PHACTR2: variants seen among roughly 807,000 people sequenced by gnomAD.
PHACTR2 encodes phosphatase and actin regulator 2.
A neutral mutation model predicts 76.0 loss-of-function variants in PHACTR2; 30 were observed. The ratio of observed to expected loss-of-function variants is 0.39; its 90% CI spans 0.30 to 0.54. The LOEUF (loss-of-function observed/expected upper bound fraction) is 0.54, where lower values mean the gene tolerates loss of function less well. Ranked by LOEUF, PHACTR2 falls within the 20% of genes least tolerant of loss-of-function variation. The probability of loss-of-function intolerance (pLI) is 0.61; values close to 1 mark genes in which losing one functional copy is unlikely to be tolerated. For synonymous variants in PHACTR2, 292 were observed against 292.5 expected (o/e 1.00, Z 0.02); for missense variants, 696 against 781.1 (o/e 0.89, Z 1.30).
Position 143,794,420 on chromosome 6 carries a change from A to G in PHACTR2, c.1845+5510A>G, listed in dbSNP as rs1413125325. 6.6e-6 allele frequency among the ~76,000 whole-genome samples: 1 copy of G among 152,078 alleles called. No individual in the cohort carries two copies. Among genetic ancestry groups the G allele is most frequent in the Non-Finnish European group, 1.5e-5 (1 of 68,008 alleles). On this transcript the variant is annotated intron_variant, in intron 11 of 12. Coordinates refer to ENST00000440869, the MANE Select transcript of PHACTR2 (RefSeq NM_001100164.2). The surrounding 1 kb of genome is among the most constrained non-coding windows in gnomAD (Gnocchi z 4.1). ...AATTTAGCTATTAGGTTTAAAAATGAGTTTTATTTTTAACTTTTGAGCTCT... is the reference window on the plus strand; with the variant it reads ...AATTTAGCTATTAGGTTTAAAAATGGGTTTTATTTTTAACTTTTGAGCTCT...
chr6:143,799,086 A>G (rs1429622969), intron 11 of PHACTR2, among the ~76,000 whole-genome samples: 1 of 152,142 alleles, frequency 6.6e-6, no homozygotes, highest in East Asian at 1.9e-4. Context: ...CTATTCAGAG[A>G]TTCAACTTCT....
rs1219874726 is a variant in PHACTR2 at position 143,731,988 on chromosome 6, TC to T, written c.215-16995del. Among the ~76,000 whole-genome samples the T allele has an allele frequency of 1.3e-5, 2 of 152,216 alleles. No homozygotes were observed. The highest frequency in any genetic ancestry group is 2.9e-5 in the Non-Finnish European group (2 of 68,032). Reference sequence around the variant, plus strand: ...GAAATGGAAAAGAAAGTGAAACTTTTCCTCTAGATTTCTTTATGGTTAACCA... The same window carrying T: ...GAAATGGAAAAGAAAGTGAAACTTTTCTCTAGATTTCTTTATGGTTAACCA... On this transcript the variant is annotated intron_variant, in intron 2 of 12. Transcript: ENST00000440869. This position sits in a 1 kb window ranked among gnomAD's most constrained non-coding sequence, Gnocchi z 4.9.
Position 143,777,389 on chromosome 6 carries a change from T to C in PHACTR2, c.1645+6T>C. 2 of 1,510,660 alleles carry C rather than the reference T, an allele frequency of 1.3e-6. No homozygotes were observed. The highest frequency in any genetic ancestry group is 1.1e-5 in the South Asian group (1 of 87,114). The allele number at this position is 1,510,660 out of a possible 1,614,324, so 93.6% of individuals were successfully genotyped here. On this transcript the variant is annotated splice_donor_region_variant and intron_variant, in intron 9 of 12. Coordinates refer to ENST00000440869, the MANE Select transcript of PHACTR2 (RefSeq NM_001100164.2). This position sits in a 1 kb window ranked among gnomAD's most constrained non-coding sequence, Gnocchi z 4.6. ...GCAAAGAAACATCCTAAAACGTGAGTATTCTATACTATAGAATGATTCCTT... is the reference window on the plus strand; with the variant it reads ...GCAAAGAAACATCCTAAAACGTGAGCATTCTATACTATAGAATGATTCCTT...
chr6:143,545,513 C>G (rs1774973558), intron 1 of PHACTR2, among the ~76,000 whole-genome samples: 1 of 152,122 alleles, frequency 6.6e-6, no homozygotes, highest in Admixed American at 6.5e-5. Flanking sequence ...GCATTATTTC[C>G]CCACATGATC....
In PHACTR2 at chr6:143,784,919, C is replaced by T. The variant is rs550159580; in HGVS notation, c.1707+1639C>T. Reference sequence around the variant, plus strand: ...TGATTCAATTACCTCTTCCTGGGTCCCTCCCACAACACATGGGAATTCTGG... The same window carrying T: ...TGATTCAATTACCTCTTCCTGGGTCTCTCCCACAACACATGGGAATTCTGG... On this transcript the variant is annotated intron_variant, in intron 10 of 12. Coordinates refer to ENST00000440869, the MANE Select transcript of PHACTR2 (RefSeq NM_001100164.2). The surrounding 1 kb of genome is among the most constrained non-coding windows in gnomAD (Gnocchi z 4.5). Among the ~76,000 whole-genome samples, 1 of 152,124 alleles carries T rather than the reference C, an allele frequency of 6.6e-6. No homozygotes were observed. Among genetic ancestry groups the T allele is most frequent in the African/African-American group, 2.4e-5 (1 of 41,412 alleles).
chr6:143,745,710 C>CG (rs1173124300), intron 2 of PHACTR2, among the ~76,000 whole-genome samples: 1 of 131,258 alleles, frequency 7.6e-6, no homozygotes, highest in Non-Finnish European at 1.8e-5. Flanking sequence ...TTTCCGTGCT[C>CG]GGTCGCCTGC....
At position 143,593,314 on chromosome 6, in the gene PHACTR2, G is replaced by A. The variant is rs529698640; in HGVS notation, c.217+56107G>A. Among the ~76,000 whole-genome samples the A allele has an allele frequency of 7.9e-3, 1,027 of 130,176 alleles. 14 individuals are homozygous for A. Among genetic ancestry groups the A allele is most frequent in the African/African-American group, 0.025 (874 of 34,364 alleles). The allele number at this position is 130,176 out of a possible 152,430, so 85.4% of individuals were successfully genotyped here. A position where few individuals can be genotyped will look rare whatever the true frequency, so the allele number is the denominator to read the frequency against. On this transcript the variant is annotated intron_variant, in intron 1 of 11. Coordinates refer to the PHACTR2 transcript ENST00000367584. Reference sequence around the variant, plus strand: ...AAGTGTTAGGGTGATGGAAGGTCAGGATCTCAAGGAGGAAACACAGGGGGT... The same window carrying A: ...AAGTGTTAGGGTGATGGAAGGTCAGAATCTCAAGGAGGAAACACAGGGGGT...
chr6:143,785,238 G>A (rs1775526320), intron 10 of PHACTR2, among the ~76,000 whole-genome samples: 1 of 152,100 alleles, frequency 6.6e-6, no homozygotes, highest in Non-Finnish European at 1.5e-5. Flanking sequence ...GTTCCAAATG[G>A]GAGATATTGG....
Position 143,696,250 on chromosome 6 carries a change from A to T in PHACTR2, c.47-15766A>T, listed in dbSNP as rs886850409. Among the ~76,000 whole-genome samples the T allele has an allele frequency of 2.0e-5, 3 of 152,196 alleles. No homozygotes were observed. Among genetic ancestry groups the T allele is most frequent in the African/African-American group, 7.2e-5 (3 of 41,446 alleles). On this transcript the variant is annotated intron_variant, in intron 1 of 12. Transcript: ENST00000440869. This position sits in a 1 kb window ranked among gnomAD's most constrained non-coding sequence, Gnocchi z 4.1. Reference sequence around the variant, plus strand: ...GTCTTAGTTGGTTTTAGCAGCTCCCAGCAATTATCTTGAGACCAACGGAGA... The same window carrying T: ...GTCTTAGTTGGTTTTAGCAGCTCCCTGCAATTATCTTGAGACCAACGGAGA...
At position 143,568,923 on chromosome 6, in the gene PHACTR2, G is replaced by A. The variant is rs191431403; in HGVS notation, c.217+31716G>A. ...AATAGTAGATCAACAGGCACATTTC[G>A]GATTTGACTAATCAGAGCTGCAGAT... On this transcript the variant is annotated intron_variant, in intron 1 of 11. Transcript: ENST00000367584. Among the ~76,000 whole-genome samples, 241 of 152,270 alleles carry A rather than the reference G, an allele frequency of 1.6e-3. 1 individual carries two copies. The highest frequency in any genetic ancestry group is 1.9e-3 in the South Asian group (9 of 4,826).
chr6:143,803,800 T>C lies in PHACTR2; in HGVS notation c.1846-3257T>C, dbSNP rs764935551. 4.8e-4 allele frequency among the ~76,000 whole-genome samples: 73 copies of C among 152,290 alleles called. No individual in the cohort carries two copies. The highest frequency in any genetic ancestry group is 9.8e-4 in the Admixed American group (15 of 15,300). The stretch of plus-strand genomic sequence containing the variant: ...TAAAACCATAATGCTATAAATAGAA[T>C]GATGTCTTTTGTTTCCAAAGTCGAT... On this transcript the variant is annotated intron_variant, in intron 11 of 12. Coordinates refer to ENST00000440869, the MANE Select transcript of PHACTR2 (RefSeq NM_001100164.2). The surrounding 1 kb of genome is among the most constrained non-coding windows in gnomAD (Gnocchi z 4.7).
rs1775963334 is a variant in PHACTR2, at chr6:143,801,855, G to A, written c.1846-5202G>A. On this transcript the variant is annotated intron_variant, in intron 11 of 12. Transcript: ENST00000440869. This position sits in a 1 kb window ranked among gnomAD's most constrained non-coding sequence, Gnocchi z 4.6. The stretch of plus-strand genomic sequence containing the variant: ...GTGGTTTTATTTACCTTTGGTCTTT[G>A]ATGTTGGTGACCTACAGATGGGGTT... 6.6e-6 allele frequency among the ~76,000 whole-genome samples: 1 copy of A among 152,166 alleles called. No homozygotes were observed. Among genetic ancestry groups the A allele is most frequent in the Non-Finnish European group, 1.5e-5 (1 of 68,020 alleles).
chr6:143,567,789 C>T (rs1166662322), intron 1 of PHACTR2, among the ~76,000 whole-genome samples: 1 of 152,190 alleles, frequency 6.6e-6, no homozygotes, highest in Non-Finnish European at 1.5e-5. Flanking sequence ...GTGTTGTTTG[C>T]TCTGTGAAAC....
At chr6:143,693,373 G>A (rs1777693968) in intron 1 of PHACTR2, among the ~76,000 whole-genome samples, 1 of 152,062 alleles carries the variant, frequency 6.6e-6, no homozygotes, top group South Asian at 2.1e-4. Flanking sequence ...AAGTAGCTGG[G>A]ACTACAGGCA....
intron 2 of PHACTR2, among the ~76,000 whole-genome samples, chr6:143,746,876 A>T (rs916104405): frequency 7.3e-5 from 11 of 151,032 alleles, no homozygotes; most frequent in Admixed American, 7.2e-4. Flanking sequence ...AACTTTTTTC[A>T]TTGAAATTAC....
Position 143,784,592 on chromosome 6 carries a change from A to T in PHACTR2, c.1707+1312A>T, listed in dbSNP as rs1344420307. Among the ~76,000 whole-genome samples, 2 of 152,194 alleles carry T rather than the reference A, an allele frequency of 1.3e-5. No homozygotes were observed. Among genetic ancestry groups the T allele is most frequent in the Non-Finnish European group, 2.9e-5 (2 of 68,040 alleles). On this transcript the variant is annotated intron_variant, in intron 10 of 12. Transcript: ENST00000440869. The surrounding 1 kb of genome is among the most constrained non-coding windows in gnomAD (Gnocchi z 4.5). ...CAGAAAAGCTATGGGACTATGTTGA[A>T]AGTGTTTGGTTCTGTTTTTCAAGGA...
rs1254934922 is a variant in PHACTR2, at chr6:143,828,257, A to G, written c.*4568A>G. On this transcript the variant is annotated 3_prime_UTR_variant, in exon 13 of 13. Transcript: ENST00000440869. The surrounding 1 kb of genome is among the most constrained non-coding windows in gnomAD (Gnocchi z 4.7). ...TTAATAGGAACATCTTTCTAGAGAA[A>G]GTACATGCCCAGTTAGTTCAAACCC... 2 of 152,248 alleles carry G rather than the reference A, an allele frequency of 1.3e-5. No individual in the cohort carries two copies. The highest frequency in any genetic ancestry group is 4.8e-5 in the African/African-American group (2 of 41,456). 9.4% of individuals were successfully genotyped at this position (152,248 alleles called of 1,614,324 possible). A position where few individuals can be genotyped will look rare whatever the true frequency, so the allele number is the denominator to read the frequency against.
rs746858891 is a variant in PHACTR2 at position 143,765,276 on chromosome 6, CA to C, written c.718del (p.Thr240GlnfsTer47). 4.4e-6 allele frequency: 7 copies of C among 1,604,286 alleles called. No individual in the cohort carries two copies. The highest frequency in any genetic ancestry group is 3.4e-5 in the Admixed American group (2 of 59,272). On this transcript the variant is annotated frameshift_variant, in exon 6 of 13. Coordinates refer to ENST00000440869, the MANE Select transcript of PHACTR2 (RefSeq NM_001100164.2). LOFTEE classifies it high-confidence loss of function. The surrounding 1 kb of genome is among the most constrained non-coding windows in gnomAD (Gnocchi z 4.1). ...TTREAAGSSHSKKTTGSKASA... is the reference protein window; with the variant it reads ...TTREAAGSSHXKKTTGSKASA... ...TCTATTGTAGCTGGCTCCTCTCATT[CA>C]AAAAAAACAACTGGCTCTAAAGCAT... is the stretch of plus-strand genomic sequence containing the variant.
chr6:143,806,975 T>G lies in PHACTR2; in HGVS notation c.1846-82T>G. The G allele has an allele frequency of 1.6e-6, 1 of 644,946 alleles. No individual in the cohort carries two copies. Among genetic ancestry groups the G allele is most frequent in the Admixed American group, 3.2e-5 (1 of 31,158 alleles). 40.0% of individuals were successfully genotyped at this position (644,946 alleles called of 1,614,324 possible). ...CTATCTCTTAAAAAAAAAAAAAAGG[T>G]CTGCTTCATTGATGCTGTATATACT... On this transcript the variant is annotated intron_variant, in intron 11 of 12. Transcript: ENST00000440869. This position sits in a 1 kb window ranked among gnomAD's most constrained non-coding sequence, Gnocchi z 5.8.
Sources: allele counts gnomAD v4.1 joint callset (sites outside exome capture counted in the v4.1 genomes callset), GRCh38; gene constraint gnomAD v4.1.1; non-coding constraint Gnocchi (gnomAD v3.1); transcripts MANE v1.5; gene names NCBI Gene and HGNC (gene_info 2026-07-23, HGNC 2026-07-21).